Variants in GALNT6 observed in about 807,000 individuals in gnomAD.
The protein encoded by GALNT6 is polypeptide N-acetylgalactosaminyltransferase 6.
In GALNT6, 51 loss-of-function variants were observed where a neutral mutation model predicts 65.9. The ratio of observed to expected loss-of-function variants is 0.77; its 90% CI spans 0.62 to 0.98. The LOEUF (loss-of-function observed/expected upper bound fraction) is 0.98. Among genes scored for constraint, GALNT6 ranks in the 50% least tolerant of loss-of-function variants. The pLI is 0.00. For missense variants in GALNT6, 708 were observed against 803.3 expected, an observed-to-expected ratio of 0.88 and a Z score of 1.43; for synonymous variants, 323 against 315.1, an observed-to-expected ratio of 1.02 and a Z score of -0.26.
chr12:51,380,577 A>G (rs1357106266), intron 2 of GALNT6, among the ~76,000 whole-genome samples: 1 of 152,226 alleles, frequency 6.6e-6, no homozygotes, highest in Non-Finnish European at 1.5e-5. Context: ...AAAGCTATAA[A>G]GAAAGCTAAA....
At chr12:51,356,629 G>C (rs941438085) in intron 10 of GALNT6, among the ~76,000 whole-genome samples, 1 of 152,068 alleles carries the variant, frequency 6.6e-6, no homozygotes, top group African/African-American at 2.4e-5. Flanking sequence ...CTCCCAAAGT[G>C]CTGGGATTAC....
chr12:51,369,103 G>A (rs372820040), intron 4 of GALNT6, among the ~76,000 whole-genome samples: 4 of 152,206 alleles, frequency 2.6e-5, no homozygotes, highest in African/African-American at 7.2e-5. Context: ...CCAGCTCTGC[G>A]CACAGGAAGT....
intron 10 of GALNT6, among the ~76,000 whole-genome samples, chr12:51,356,869 C>T (rs1946764495): frequency 6.6e-6 from 1 of 152,184 alleles, no homozygotes; most frequent in Admixed American, 6.5e-5. Context: ...CCTACATATG[C>T]CAGCGGGCTT....
chr12:51,376,599 C>T (rs1046228617), intron 4 of GALNT6, among the ~76,000 whole-genome samples: 4 of 144,470 alleles, frequency 2.8e-5, no homozygotes, highest in Admixed American at 7.1e-5. Flanking sequence ...CACCATTGTA[C>T]TCCAGCCTGG....
chr12:51,365,522 A>C lies in GALNT6; in HGVS notation c.722T>G (p.Val241Gly), dbSNP rs1404401060. ...CAGCCCCTTCCGCTCCTCCTGCCGC[A>C]CCACCCTCACCACCTGCAGCTGCTT... ...YVKQLQVVRVVRQEERKGLIT... is the reference protein window; with the variant it reads ...YVKQLQVVRVGRQEERKGLIT... Residue 241 changes from valine (V) to glycine (G), a missense_variant, in exon 5 of 12, where the codon GTG becomes GGG. Transcript: ENST00000356317. The C allele has an allele frequency of 6.2e-7, 1 of 1,612,858 alleles. No homozygotes were observed. The highest frequency in any genetic ancestry group is 8.5e-7 in the Non-Finnish European group (1 of 1,179,974).
intron 2 of GALNT6, among the ~76,000 whole-genome samples, chr12:51,388,670 A>G (rs984336198): frequency 3.9e-5 from 6 of 152,114 alleles, no homozygotes; most frequent in Non-Finnish European, 5.9e-5. Context: ...CAACAGGCCT[A>G]GACGGTAGAC....
intron 4 of GALNT6, among the ~76,000 whole-genome samples, chr12:51,370,846 C>A (rs1273370631): frequency 6.6e-6 from 1 of 151,740 alleles, no homozygotes; most frequent in Non-Finnish European, 1.5e-5. Context: ...CATGGTGAGA[C>A]CCCATCTTAT....
intron 11 of GALNT6, 118 bp downstream of exon 11, chr12:51,355,688 C>G: frequency 1.1e-6 from 1 of 875,758 alleles, no homozygotes; most frequent in Non-Finnish European, 1.8e-6. Flanking sequence ...CAGGTGGTCT[C>G]GAACTCCTGA....
chr12:51,351,628 A>G lies in GALNT6; in HGVS notation c.*2751T>C, dbSNP rs901724966. On this transcript the variant is annotated 3_prime_UTR_variant, in exon 12 of 12. Transcript: ENST00000356317. ...TAACTCATCCAGCACCTCTTGGAGC[A>G]TCTCCAGGCTTGCTATGATTTGCTT... 3.9e-5 allele frequency: 6 copies of G among 152,230 alleles called. No homozygotes were observed. Among genetic ancestry groups the G allele is most frequent in the African/African-American group, 1.4e-4 (6 of 41,468 alleles). 9.4% of individuals were successfully genotyped at this position (152,230 alleles called of 1,614,324 possible).
chr12:51,357,436 G>C lies in GALNT6; in HGVS notation c.1515C>G (p.Gly505=). ...CACCCACATCCAGGCATTGGTTGGT[G>C]CCGAGGTTCTTGATCTGCAGAAGGG... ...PTFYGAIKNL[G]TNQCLDVGEN... is the part of the protein sequence containing the mutation. Residue 505 remains glycine (G), a synonymous_variant, in exon 10 of 12, where the codon GGC becomes GGG. Transcript: ENST00000356317. 6.2e-7 allele frequency: 1 copy of C among 1,613,342 alleles called. No individual in the cohort carries two copies. Among genetic ancestry groups the C allele is most frequent in the Non-Finnish European group, 8.5e-7 (1 of 1,179,254 alleles).
chr12:51,384,224 TGGGATTTGCTTCCCTGGCCCCACC>T (rs1288248527), intron 2 of GALNT6, among the ~76,000 whole-genome samples: 1 of 152,172 alleles, frequency 6.6e-6, no homozygotes, highest in African/African-American at 2.4e-5. Flanking sequence ...ATTGAACAAA[TGGGATTTGCTTCCCTGGCCCCACC>T]GGCCAGAACA....
intron 6 of GALNT6, 146 bp from the exon 7 acceptor site, chr12:51,360,984 T>C: frequency 1.7e-6 from 1 of 603,334 alleles, no homozygotes; most frequent in Non-Finnish European, 3.0e-6. Context: ...ATCCACTAAC[T>C]CACTCATCAT....
At chr12:51,384,759 C>T (rs1335600325) in intron 2 of GALNT6, among the ~76,000 whole-genome samples, 1 of 150,750 alleles carries the variant, frequency 6.6e-6, no homozygotes, top group East Asian at 1.9e-4. Context: ...GTGGCATAGG[C>T]CTGTAATCTC....
chr12:51,370,253 G>C (rs1295421509), intron 4 of GALNT6, among the ~76,000 whole-genome samples: 1 of 152,226 alleles, frequency 6.6e-6, no homozygotes, highest in African/African-American at 2.4e-5. Flanking sequence ...GCCTTAAAAA[G>C]TAAATTCTGG....
In GALNT6 at chr12:51,380,795, C is replaced by T. The variant is rs538192318; in HGVS notation, c.-103-911G>A. Among the ~76,000 whole-genome samples, 7 of 151,380 alleles carry T rather than the reference C, an allele frequency of 4.6e-5. No homozygotes were observed. The South Asian group carries it at 8.3e-4, about 18-fold the overall frequency. ...AACAGAGCAAGACTCCGTCTCCCCA[C>T]GAAAAAAAGAAAGCTAAAGAAATGA... is the stretch of plus-strand genomic sequence containing the variant. On this transcript the variant is annotated intron_variant, in intron 2 of 11. Coordinates refer to ENST00000356317, the MANE Select transcript of GALNT6 (RefSeq NM_007210.4).
rs543096023 is a variant in GALNT6 at position 51,357,389 on chromosome 12, G to A, written c.1562C>T (p.Pro521Leu). 6.2e-7 allele frequency: 1 copy of A among 1,613,952 alleles called. No individual in the cohort carries two copies. Among genetic ancestry groups the A allele is most frequent in the Middle Eastern group, 1.7e-4 (1 of 6,060 alleles). The part of the protein sequence containing the change: ...DVGENNRGGK[P>L]LIMYSCHGLG... ...GCCGTGGCAGGAGTACATGATGAGG[G>A]GCTTCCCCCCGCGGTTGTTCTCACC... is the stretch of plus-strand genomic sequence containing the variant. Residue 521 changes from proline to leucine, a missense_variant, in exon 10 of 12, where the codon CCC (proline) becomes CTC (leucine). Physicochemically the swap from Pro to Leu is moderately conservative, Grantham distance 98. Transcript: ENST00000356317.
intron 4 of GALNT6, among the ~76,000 whole-genome samples, chr12:51,370,977 C>T (rs1947273954): frequency 6.6e-6 from 1 of 152,064 alleles, no homozygotes; most frequent in Admixed American, 6.6e-5. Flanking sequence ...CCTTTTACTA[C>T]ATACACACAT....
chr12:51,385,858 AG>A (rs1947822132), intron 2 of GALNT6, among the ~76,000 whole-genome samples: 1 of 151,936 alleles, frequency 6.6e-6, no homozygotes, highest in African/African-American at 2.4e-5. Context: ...TCTTGGAGAC[AG>A]GGTCTCACTC....
At chr12:51,377,445 TC>T (rs1565729092) in intron 3 of GALNT6, 78 bp from the exon 4 acceptor site, 2 of 1,202,406 alleles carry the variant, frequency 1.7e-6, no homozygotes, top group Non-Finnish European at 2.4e-6. Flanking sequence ...ATCCAGAGAC[TC>T]CCCCAGACCA....
Sources: allele counts gnomAD v4.1 joint callset (sites outside exome capture counted in the v4.1 genomes callset), GRCh38; gene constraint gnomAD v4.1.1; transcripts MANE v1.5; gene names NCBI Gene and HGNC (gene_info 2026-07-23, HGNC 2026-07-21).